Variants in TRPS1 observed in about 807,000 individuals in gnomAD.
TRPS1 encodes the protein transcriptional repressor GATA binding 1.
Under a neutral mutation model 101.2 loss-of-function variants are expected in TRPS1, and 6 were observed. The observed-to-expected ratio is 0.06, with a 90% CI of 0.03 to 0.12. TRPS1 has a LOEUF of 0.12. TRPS1 is among the 10% of genes least tolerant of loss of function. TRPS1 has a pLI of 1.00. For synonymous variants in TRPS1, 578 were observed against 589.8 expected (o/e 0.98, Z 0.29); for missense variants, 1,363 against 1,567.0 (o/e 0.87, Z 2.20).
At chr8:115,667,838 A>C (rs1374646730) in intron 1 of TRPS1, 1 of 1,535,172 alleles carries the variant, frequency 6.5e-7, no homozygotes, top group Non-Finnish European at 8.7e-7. Context: ...CCCGTCTCTG[A>C]GACCCTCCCG....
At chr8:115,499,960 TTTC>T (rs869205311) in intron 5 of TRPS1, among the ~76,000 whole-genome samples, 2 of 40,396 alleles carry the variant, frequency 5.0e-5, no homozygotes, top group Admixed American at 2.9e-4. Flanking sequence ...TCTTTCTTTC[TTTC>T]TTTTCTTTTC....
At chr8:115,423,550 C>A (rs1415943771) in intron 5 of TRPS1, among the ~76,000 whole-genome samples, 1 of 152,060 alleles carries the variant, frequency 6.6e-6, no homozygotes, top group Non-Finnish European at 1.5e-5. Context: ...CCTTTAAATC[C>A]AGTGTAATTT....
At chr8:115,662,755 T>C (rs919173535) in intron 1 of TRPS1, among the ~76,000 whole-genome samples, 4 of 151,090 alleles carry the variant, frequency 2.6e-5, no homozygotes, top group Non-Finnish European at 5.9e-5. Context: ...AATTATCATC[T>C]AAAATTGTAA....
At chr8:115,504,221 T>C (rs1815386039) in intron 5 of TRPS1, among the ~76,000 whole-genome samples, 1 of 152,208 alleles carries the variant, frequency 6.6e-6, no homozygotes, top group African/African-American at 2.4e-5. Context: ...AGTGTGTTTT[T>C]AGCCTGTCTT....
intron 5 of TRPS1, among the ~76,000 whole-genome samples, chr8:115,570,245 G>A (rs935087607): frequency 6.6e-6 from 1 of 151,830 alleles, no homozygotes; most frequent in Non-Finnish European, 1.5e-5. Context: ...ATACCCTAAA[G>A]GTTATTGGAA....
chr8:115,488,633 C>G (rs556347810), intron 5 of TRPS1, among the ~76,000 whole-genome samples: 2 of 152,254 alleles, frequency 1.3e-5, no homozygotes, highest in Admixed American at 6.5e-5. Context: ...TGAGATCGCA[C>G]CACTGCACTC....
Position 115,620,116 on chromosome 8 carries a change from C to G in TRPS1, c.38-56G>C, listed in dbSNP as rs531122879. 1.9e-6 allele frequency: 3 copies of G among 1,548,264 alleles called. No individual in the cohort carries two copies. The Admixed American group carries it at 5.2e-5, about 27-fold the overall frequency. The stretch of plus-strand genomic sequence containing the variant: ...GTGTTATCTGAAAGTTACAGAGATA[C>G]AGTTGAATCTGGAATATTTTACTTA... On this transcript the variant is annotated intron_variant, in intron 2 of 6. Coordinates refer to ENST00000395715, the MANE Select transcript of TRPS1 (RefSeq NM_014112.5).
At chr8:115,480,266 T>C (rs1423521450) in intron 5 of TRPS1, among the ~76,000 whole-genome samples, 1 of 152,080 alleles carries the variant, frequency 6.6e-6, no homozygotes, top group Non-Finnish European at 1.5e-5. Context: ...TGAAATACCA[T>C]ACAAAACACC....
At chr8:115,435,699 A>C (rs1813430649) in intron 5 of TRPS1, among the ~76,000 whole-genome samples, 1 of 152,136 alleles carries the variant, frequency 6.6e-6, no homozygotes, top group Non-Finnish European at 1.5e-5. Flanking sequence ...GAGTTACTAC[A>C]ATGTTCTTTC....
chr8:115,531,930 T>A (rs1386092269), intron 5 of TRPS1, among the ~76,000 whole-genome samples: 2 of 152,008 alleles, frequency 1.3e-5, no homozygotes, highest in Admixed American at 1.3e-4. Context: ...GAGGATGTGG[T>A]CACAGATCGG....
chr8:115,660,404 T>C (rs1402620103), intron 1 of TRPS1, among the ~76,000 whole-genome samples: 1 of 152,024 alleles, frequency 6.6e-6, no homozygotes, highest in African/African-American at 2.4e-5. Context: ...TCTATTGTCT[T>C]ATACGGTACT....
chr8:115,613,429 G>T (rs1432737242), intron 3 of TRPS1, among the ~76,000 whole-genome samples: 1 of 152,134 alleles, frequency 6.6e-6, no homozygotes, highest in East Asian at 1.9e-4. Flanking sequence ...CTGCATCAAA[G>T]AGCTCTGATT....
intron 5 of TRPS1, among the ~76,000 whole-genome samples, chr8:115,487,827 G>A (rs1814922793): frequency 6.6e-6 from 1 of 152,162 alleles, no homozygotes; most frequent in African/African-American, 2.4e-5. Context: ...TCTAGTCCTA[G>A]TAAATATGCT....
chr8:115,576,634 G>C (rs1817326006), intron 5 of TRPS1, among the ~76,000 whole-genome samples: 1 of 151,960 alleles, frequency 6.6e-6, no homozygotes. Flanking sequence ...CATCACAAGG[G>C]AAGAGCAAAA....
rs1816949506 is a variant in TRPS1 at position 115,561,677 on chromosome 8, T to C, written c.2700+25324A>G. On this transcript the variant is annotated intron_variant, in intron 5 of 6. Coordinates refer to ENST00000395715, the MANE Select transcript of TRPS1 (RefSeq NM_014112.5). ...CCTGAGTAAAGTCTAAAGATCCATC[T>C]ATACTCAGTGTGCATCGTCAAGCTA... Among the ~76,000 whole-genome samples, 2 of 152,092 alleles carry C rather than the reference T, an allele frequency of 1.3e-5. 1 individual carries two copies. Among genetic ancestry groups the C allele is most frequent in the Non-Finnish European group, 2.9e-5 (2 of 68,006 alleles).
chr8:115,539,681 T>A (rs973499914), intron 5 of TRPS1, among the ~76,000 whole-genome samples: 3 of 151,410 alleles, frequency 2.0e-5, no homozygotes, highest in South Asian at 2.1e-4. Context: ...CTACAAAAAT[T>A]AAAATAAAAA....
At chr8:115,520,067 G>A (rs1815819805) in intron 5 of TRPS1, among the ~76,000 whole-genome samples, 1 of 151,484 alleles carries the variant, frequency 6.6e-6, no homozygotes, top group Non-Finnish European at 1.5e-5. Flanking sequence ...CCTCTTCACT[G>A]TCAATGTAAT....
chr8:115,519,740 A>T (rs2130222307), intron 5 of TRPS1, among the ~76,000 whole-genome samples: 1 of 151,800 alleles, frequency 6.6e-6, no homozygotes, highest in African/African-American at 2.4e-5. Flanking sequence ...AATAAAAACT[A>T]AGAAAAATAA....
intron 2 of TRPS1, among the ~76,000 whole-genome samples, chr8:115,621,032 CAAGTT>C (rs1442603884): frequency 2.0e-5 from 3 of 152,180 alleles, no homozygotes; most frequent in East Asian, 1.9e-4. Context: ...CCATGTCTCT[CAAGTT>C]AAGTTAGTGA....
Sources: allele counts gnomAD v4.1 joint callset (sites outside exome capture counted in the v4.1 genomes callset), GRCh38; gene constraint gnomAD v4.1.1; transcripts MANE v1.5; gene names NCBI Gene and HGNC (gene_info 2026-07-23, HGNC 2026-07-21).